PPP2R3B: variants seen among roughly 807,000 people sequenced by gnomAD.
PPP2R3B encodes the protein protein phosphatase 2 regulatory subunit B''beta, also known as serine/threonine-protein phosphatase 2A regulatory subunit B'' subunit beta.
Under a neutral mutation model 72.9 loss-of-function variants are expected in PPP2R3B, and 68 were observed. The observed-to-expected ratio is 0.93, with a 90% CI of 0.77 to 1.14. The LOEUF is 1.14. PPP2R3B is among the 50% of genes most tolerant of loss of function. PPP2R3B has a pLI of 0.00. For synonymous variants in PPP2R3B, 466 were observed against 375.8 expected, an observed-to-expected ratio of 1.24 and a Z score of -2.78; for missense variants, 1,018 against 842.0, an observed-to-expected ratio of 1.21 and a Z score of -2.59.
At chrX:346,373 C>T (rs1407417395) in intron 5 of PPP2R3B, 113 bp from the exon 6 acceptor site, 3 of 1,049,754 alleles carry the variant, frequency 2.9e-6, no homozygotes, top group Non-Finnish European at 4.2e-6. Flanking sequence ...CGCACGGGGC[C>T]GCCAGGGCAC....
chrX:369,932 G>A (rs926573707), intron 1 of PPP2R3B, among the ~76,000 whole-genome samples: 5 of 152,102 alleles, frequency 3.3e-5, no homozygotes, highest in South Asian at 2.1e-4. Context: ...GGGTTTGGCC[G>A]GGACGCACAC....
chrX:357,978 C>A, intron 2 of PPP2R3B, among the ~76,000 whole-genome samples: 1 of 152,310 alleles, frequency 6.6e-6, no homozygotes, highest in East Asian at 1.9e-4. Context: ...GGGGGGACCC[C>A]CCTCATCAAA....
chrX:366,158 G>A (rs1474685747), intron 1 of PPP2R3B, among the ~76,000 whole-genome samples: 6 of 3,524 alleles, frequency 1.7e-3, no homozygotes, highest in Non-Finnish European at 2.1e-3. Context: ...AGCTGAGATC[G>A]CACTACTGCA....
At chrX:363,625 CGAGCCCACCATCCCACAGTCATCTCCCT>C (rs2071606989) in intron 1 of PPP2R3B, among the ~76,000 whole-genome samples, 2 of 101,020 alleles carry the variant, frequency 2.0e-5, no homozygotes, top group African/African-American at 7.4e-5. Context: ...TGCATCTCCC[CGAGCCCACCATCCCACAGTCATCTCCCT>C]GTGCCCACCA....
chrX:353,699 CAT>C (rs1256430382), intron 2 of PPP2R3B, among the ~76,000 whole-genome samples: 2 of 152,268 alleles, frequency 1.3e-5, no homozygotes, highest in Admixed American at 1.3e-4. Flanking sequence ...GGACCCAACA[CAT>C]AGGAGAAGTG....
intron 3 of PPP2R3B, 105 bp from the exon 4 acceptor site, chrX:347,441 G>A: frequency 7.4e-7 from 1 of 1,351,776 alleles, no homozygotes; most frequent in Non-Finnish European, 1.1e-6. Flanking sequence ...GTGCGTGGCA[G>A]GTGGCCACAC....
intron 10 of PPP2R3B, 116 bp from the exon 11 acceptor site, chrX:339,012 C>T: frequency 1.2e-6 from 1 of 843,954 alleles, no homozygotes; most frequent in Admixed American, 1.8e-5. Context: ...AAGCTCCGGG[C>T]TCTCACGCCA....
intron 1 of PPP2R3B, among the ~76,000 whole-genome samples, chrX:386,036 C>T (rs188828680): frequency 1.0e-3 from 158 of 152,206 alleles, no homozygotes; most frequent in African/African-American, 3.7e-3. Context: ...GAGCCAAGAT[C>T]GCGCCATCGT....
rs1158510227 is a variant in PPP2R3B at position 346,767 on chromosome X, C to A, written c.726G>T (p.Val242=). 6.2e-7 allele frequency: 1 copy of A among 1,609,568 alleles called. No individual in the cohort carries two copies. The highest frequency in any genetic ancestry group is 8.5e-7 in the Non-Finnish European group (1 of 1,178,260). The change falls in exon 5 of 13, where the codon GTG becomes GTT. Residue 242 remains valine, a synonymous_variant. Transcript: ENST00000390665. ...GGAACGACAGCCCCGGGTGCGTGTT[C>A]ACCACGTCCTGCGGGTGGGAAGACA... The part of the protein sequence containing the change: ...EDFVPFLQDV[V]NTHPGLSFLK...
At position 333,966 on chromosome X, in the gene PPP2R3B, G is replaced by A. The variant is rs190678548; in HGVS notation, c.*401C>T. On this transcript the variant is annotated 3_prime_UTR_variant, in exon 13 of 13. Transcript: ENST00000390665. ...ACGTACAAGCGTGATCGCCAGAAACGGTTTTGTACGTTTACACAAAACATT... is the reference window on the plus strand; with the variant it reads ...ACGTACAAGCGTGATCGCCAGAAACAGTTTTGTACGTTTACACAAAACATT... 1.0e-4 allele frequency: 18 copies of A among 173,930 alleles called. No homozygotes were observed. Among genetic ancestry groups the A allele is most frequent in the Middle Eastern group, 2.4e-3 (1 of 416 alleles). 10.8% of individuals were successfully genotyped at this position (173,930 alleles called of 1,614,324 possible). A position where few individuals can be genotyped will look rare whatever the true frequency, so the allele number is the denominator to read the frequency against.
intron 7 of PPP2R3B, 184 bp downstream of exon 7, chrX:345,332 G>A (rs1312240697): frequency 4.5e-6 from 4 of 882,280 alleles, no homozygotes; most frequent in East Asian, 2.6e-5. Flanking sequence ...CGGGGACCCA[G>A]ACACGGGGCA....
In PPP2R3B at chrX:334,501, T is replaced by C. The variant is rs1443379020; in HGVS notation, c.1594A>G (p.Ser532Gly). The C allele has an allele frequency of 6.4e-7, 1 of 1,560,252 alleles. No individual in the cohort carries two copies. The highest frequency in any genetic ancestry group is 8.6e-7 in the Non-Finnish European group (1 of 1,160,136). Residue 532 changes from serine to glycine, a missense_variant, in exon 13 of 13, where the codon AGC becomes GGC. Ser to Gly is a moderately conservative substitution (Grantham distance 56, BLOSUM62 0). Transcript: ENST00000390665. ...PWEDGFEAEL[S>G]PVEQKLSALR... ...GCACTCAGCTTCTGCTCCACAGGGCTGAGCTCGGCCTCGAACCTGCAACGA... is the reference window on the plus strand; with the variant it reads ...GCACTCAGCTTCTGCTCCACAGGGCCGAGCTCGGCCTCGAACCTGCAACGA...
At chrX:346,132 A>AGGGACAAGGCAGGGGGCAG in intron 6 of PPP2R3B, 42 bp downstream of exon 6, 1 of 1,253,098 alleles carries the variant, frequency 8.0e-7, no homozygotes, top group Admixed American at 2.8e-5. Flanking sequence ...TAGGAGGGGT[A>AGGGACAAGGCAGGGGGCAG]GGGACAAGGC....
At chrX:381,145 GCTCAAACTCCTGGC>G (rs2072115826) in intron 1 of PPP2R3B, among the ~76,000 whole-genome samples, 3 of 151,862 alleles carry the variant, frequency 2.0e-5, no homozygotes, top group Non-Finnish European at 4.4e-5. Context: ...CCCAGGCTGG[GCTCAAACTCCTGGC>G]CTCAAGGGAT....
chrX:380,568 C>T (rs1171701019), intron 1 of PPP2R3B, among the ~76,000 whole-genome samples: 1 of 151,974 alleles, frequency 6.6e-6, no homozygotes, highest in African/African-American at 2.4e-5. Context: ...GGTGGATCAC[C>T]TGAGGTCAGG....
intron 1 of PPP2R3B, among the ~76,000 whole-genome samples, chrX:386,124 A>G (rs1178848743): frequency 1.3e-5 from 2 of 151,936 alleles, no homozygotes; most frequent in Admixed American, 1.3e-4. Context: ...ATAAAATAGG[A>G]AGCCTTTCTA....
At chrX:353,592 C>G in intron 2 of PPP2R3B, among the ~76,000 whole-genome samples, 1 of 152,388 alleles carries the variant, frequency 6.6e-6, no homozygotes, top group Admixed American at 6.5e-5. Flanking sequence ...GCCAGCATCC[C>G]CCCGATGCTA....
At chrX:340,736 C>A in intron 10 of PPP2R3B, 29 bp downstream of exon 10, 1 of 1,608,484 alleles carries the variant, frequency 6.2e-7, no homozygotes, top group Non-Finnish European at 8.5e-7. Flanking sequence ...CGTCCCCTCA[C>A]CCTGGGCCAT....
rs192152983 is a variant in PPP2R3B at position 361,289 on chromosome X, G to A, written c.510+116C>T. On this transcript the variant is annotated intron_variant, in intron 2 of 12. Transcript: ENST00000390665. ...CACACGTGTGAAACGCACCCTCCTCGGCCGTGCCGCCTCACTCACGCTCGT... is the reference window on the plus strand; with the variant it reads ...CACACGTGTGAAACGCACCCTCCTCAGCCGTGCCGCCTCACTCACGCTCGT... 1.4e-3 allele frequency: 1,703 copies of A among 1,188,694 alleles called. 15 individuals are homozygous for A. The African/African-American group carries it at 0.021, about 15-fold the overall frequency. 73.6% of individuals were successfully genotyped at this position (1,188,694 alleles called of 1,614,324 possible).
Sources: gnomAD v4.1 joint callset for allele counts (sites outside exome capture counted in the v4.1 genomes callset) on GRCh38, gnomAD v4.1.1 for gene constraint, MANE v1.5 for transcripts, NCBI Gene and HGNC (gene_info 2026-07-23, HGNC 2026-07-21) for gene names.